TRIM67: variants seen among roughly 807,000 people sequenced by gnomAD.
TRIM67 encodes tripartite motif containing 67.
Under a neutral mutation model 71.0 loss-of-function variants are expected in TRIM67, and 39 were observed. The observed-to-expected ratio is 0.55, with a 90% CI of 0.43 to 0.72. TRIM67 has a LOEUF of 0.72. TRIM67 is among the 30% of genes least tolerant of loss of function. The probability of loss-of-function intolerance (pLI) is 0.00; values close to 1 mark genes in which losing one functional copy is unlikely to be tolerated. For synonymous variants in TRIM67, 481 were observed against 473.9 expected (o/e 1.01, Z -0.19); for missense variants, 973 against 1,079.2 (o/e 0.90, Z 1.38).
chr1:231,206,852 A>G, intron 7 of TRIM67, 62 bp downstream of exon 7: 1 of 1,489,854 alleles, frequency 6.7e-7, no homozygotes, highest in Non-Finnish European at 9.0e-7. Flanking sequence ...TGACAACCAG[A>G]CAGCCACTTG....
In TRIM67 at chr1:231,219,273, G is replaced by A. The variant is rs1489962954; in HGVS notation, c.*3833G>A. 3.1e-6 allele frequency: 3 copies of A among 979,396 alleles called. No homozygotes were observed. The highest frequency in any genetic ancestry group is 4.7e-5 in the South Asian group (1 of 21,204). The allele number at this position is 979,396 out of a possible 1,614,324, so 60.7% of individuals were successfully genotyped here. ...GGTCTCTACCCATCATCTGCCAGTA[G>A]CAACCCCCAAGTTAGGTGTGACAAC... is the stretch of plus-strand genomic sequence containing the variant. On this transcript the variant is annotated 3_prime_UTR_variant, in exon 10 of 10. Transcript: ENST00000366653.
chr1:231,201,628 G>A, intron 5 of TRIM67, 111 bp downstream of exon 5: 1 of 1,347,058 alleles, frequency 7.4e-7, no homozygotes, highest in Non-Finnish European at 1.0e-6. Context: ...AGTGTGGCAG[G>A]GTGGGAGAGC....
chr1:231,162,925 G>A lies in TRIM67; in HGVS notation c.-45G>A, dbSNP rs773490821. Reference sequence around the variant, plus strand: ...TCCTCCGCCAGTCTCCCGAGCTCCGGCCATTCATCCCCAGCGCAGAGCAGC... The same window carrying A: ...TCCTCCGCCAGTCTCCCGAGCTCCGACCATTCATCCCCAGCGCAGAGCAGC... On this transcript the variant is annotated 5_prime_UTR_variant, in exon 1 of 10. Coordinates refer to ENST00000366653, the MANE Select transcript of TRIM67 (RefSeq NM_001004342.5). 5 of 1,591,066 alleles carry A rather than the reference G, an allele frequency of 3.1e-6. No individual in the cohort carries two copies. The highest frequency in any genetic ancestry group is 4.3e-6 in the Non-Finnish European group (5 of 1,171,984).
chr1:231,211,027 A>ATATATAT (rs1553328710), intron 8 of TRIM67, among the ~76,000 whole-genome samples: 2 of 130,472 alleles, frequency 1.5e-5, no homozygotes, highest in African/African-American at 5.6e-5. Flanking sequence ...TACCAAAAAA[A>ATATATAT]AAAAATATAT....
At position 231,217,628 on chromosome 1, in the gene TRIM67, G is replaced by C. The variant is rs1291734924; in HGVS notation, c.*2188G>C. 1.8e-6 allele frequency: 2 copies of C among 1,127,772 alleles called. No individual in the cohort carries two copies. Among genetic ancestry groups the C allele is most frequent in the African/African-American group, 3.2e-5 (2 of 61,644 alleles). 69.9% of individuals were successfully genotyped at this position (1,127,772 alleles called of 1,614,324 possible). A position where few individuals can be genotyped will look rare whatever the true frequency, so the allele number is the denominator to read the frequency against. On this transcript the variant is annotated 3_prime_UTR_variant, in exon 10 of 10. Transcript: ENST00000366653. Reference sequence around the variant, plus strand: ...CCTACACCCTGCCCCCAGAATGAGAGTGGGCTAGGCAGGGCTGCCTGGTGA... The same window carrying C: ...CCTACACCCTGCCCCCAGAATGAGACTGGGCTAGGCAGGGCTGCCTGGTGA...
chr1:231,206,381 T>C (rs1683697500), intron 6 of TRIM67, among the ~76,000 whole-genome samples: 1 of 151,810 alleles, frequency 6.6e-6, no homozygotes, highest in Non-Finnish European at 1.5e-5. Context: ...GCGGAGGTTT[T>C]GGTAAGCCGA....
Position 231,217,418 on chromosome 1 carries a change from G to T in TRIM67, c.*1978G>T, listed in dbSNP as rs1054038870. On this transcript the variant is annotated 3_prime_UTR_variant, in exon 10 of 10. Coordinates refer to ENST00000366653, the MANE Select transcript of TRIM67 (RefSeq NM_001004342.5). ...GACCTGGGACCCTGTGTCCTTGCCC[G>T]CACCTCTGCCTCTGTCTCCCATATC... The T allele has an allele frequency of 5.5e-5, 54 of 987,744 alleles. No individual in the cohort carries two copies. The highest frequency in any genetic ancestry group is 6.4e-5 in the Non-Finnish European group (53 of 831,640). The allele number at this position is 987,744 out of a possible 1,614,324, so 61.2% of individuals were successfully genotyped here. A position where few individuals can be genotyped will look rare whatever the true frequency, so the allele number is the denominator to read the frequency against.
At position 231,220,078 on chromosome 1, in the gene TRIM67, T is replaced by G. The variant is rs753621600; in HGVS notation, c.*4638T>G. On this transcript the variant is annotated 3_prime_UTR_variant, in exon 10 of 10. Coordinates refer to ENST00000366653, the MANE Select transcript of TRIM67 (RefSeq NM_001004342.5). ...ACCTCCTCTGATGTATTGTGAGGAT[T>G]ATACAATAACATTTTTAAAGAAAAA... 9.9e-6 allele frequency: 7 copies of G among 705,362 alleles called. No homozygotes were observed. Among genetic ancestry groups the G allele is most frequent in the Non-Finnish European group, 1.5e-5 (7 of 471,862 alleles). The allele number at this position is 705,362 out of a possible 1,614,324, so 43.7% of individuals were successfully genotyped here. A position where few individuals can be genotyped will look rare whatever the true frequency, so the allele number is the denominator to read the frequency against.
Position 231,218,922 on chromosome 1 carries a change from T to A in TRIM67, c.*3482T>A, listed in dbSNP as rs372176771. On this transcript the variant is annotated 3_prime_UTR_variant, in exon 10 of 10. Coordinates refer to ENST00000366653, the MANE Select transcript of TRIM67 (RefSeq NM_001004342.5). ...CCACCACAGCACTCTCAGGAAAGGA[T>A]CAGAATGCAGGATCTTTGTGTATTT... The A allele has an allele frequency of 4.5e-5, 44 of 985,500 alleles. No homozygotes were observed. In the East Asian group the frequency reaches 2.0e-3, roughly 46 times the overall value. 61.0% of individuals were successfully genotyped at this position (985,500 alleles called of 1,614,324 possible). A position where few individuals can be genotyped will look rare whatever the true frequency, so the allele number is the denominator to read the frequency against.
In TRIM67 at chr1:231,166,315, G is replaced by A. The variant is rs191226060; in HGVS notation, c.1044+2302G>A. ...GGTGCTGTTGATTTCTACAGAAAGG[G>A]AAACTACTGAGTGCTTATTATGAGC... is the stretch of plus-strand genomic sequence containing the variant. On this transcript the variant is annotated intron_variant, in intron 1 of 9. Transcript: ENST00000366653. Among the ~76,000 whole-genome samples the A allele has an allele frequency of 1.9e-3, 289 of 152,290 alleles. 1 individual carries two copies. Among genetic ancestry groups the A allele is most frequent in the Admixed American group, 5.5e-3 (84 of 15,296 alleles).
rs76044472 is a variant in TRIM67 at position 231,184,644 on chromosome 1, C to G, written c.1045-12727C>G. The G allele has an allele frequency of 4.1e-3, 914 of 224,922 alleles. 27 individuals carry two copies. In the East Asian group the frequency reaches 0.071, roughly 17 times the overall value. 13.9% of individuals were successfully genotyped at this position (224,922 alleles called of 1,614,324 possible). ...GCTCAGTGGAGAAAAGGCAACTTCT[C>G]AAAGCAAAATTGGGATACTGTTATA... is the stretch of plus-strand genomic sequence containing the variant. On this transcript the variant is annotated intron_variant, in intron 1 of 9. Coordinates refer to ENST00000366653, the MANE Select transcript of TRIM67 (RefSeq NM_001004342.5).
At chr1:231,187,057 C>T (rs1021171700) in intron 1 of TRIM67, among the ~76,000 whole-genome samples, 14 of 152,204 alleles carry the variant, frequency 9.2e-5, no homozygotes, top group African/African-American at 3.4e-4. Flanking sequence ...CAATCTAAGT[C>T]TAAAAACAGA....
intron 1 of TRIM67, among the ~76,000 whole-genome samples, chr1:231,195,360 C>T (rs1048487026): frequency 2.6e-5 from 4 of 152,340 alleles, no homozygotes; most frequent in South Asian, 2.1e-4. Flanking sequence ...AGGCAGCTAG[C>T]GGCTACCGTC....
intron 1 of TRIM67, chr1:231,187,383 T>G (rs1442289422): frequency 1.2e-6 from 1 of 813,516 alleles, no homozygotes; most frequent in African/African-American, 1.8e-5. Flanking sequence ...CCCAGGAGCC[T>G]CTACCTTTTA....
chr1:231,203,904 C>T lies in TRIM67; in HGVS notation c.1572C>T (p.Cys524=). Residue 524 remains cysteine, a synonymous_variant, in exon 6 of 10, where the codon TGC becomes TGT. Coordinates refer to ENST00000366653, the MANE Select transcript of TRIM67 (RefSeq NM_001004342.5). ...PVPLLQLEKC[C]TRNNSVTLAW... ...CCCTACTGCAGCTGGAGAAATGCTG[C>T]ACCCGTAACAACAGCGTCACGCTGG... 2.5e-6 allele frequency: 4 copies of T among 1,613,914 alleles called. No individual in the cohort carries two copies. Among genetic ancestry groups the T allele is most frequent in the Non-Finnish European group, 3.4e-6 (4 of 1,179,880 alleles).
rs115803098 is a variant in TRIM67, at chr1:231,162,830, C to G, written c.-140C>G. On this transcript the variant is annotated 5_prime_UTR_variant, in exon 1 of 10. Coordinates refer to ENST00000366653, the MANE Select transcript of TRIM67 (RefSeq NM_001004342.5). ...AGGACAGAGAGAGGGGCGTGCCCCTCGGCTGTGAAGTGGGCATGCCCGTGT... is the reference window on the plus strand; with the variant it reads ...AGGACAGAGAGAGGGGCGTGCCCCTGGGCTGTGAAGTGGGCATGCCCGTGT... 2.8e-3 allele frequency: 3,132 copies of G among 1,108,200 alleles called. 50 individuals carry two copies. The African/African-American group carries it at 0.045, about 16-fold the overall frequency. 68.6% of individuals were successfully genotyped at this position (1,108,200 alleles called of 1,614,324 possible).
intron 1 of TRIM67, among the ~76,000 whole-genome samples, chr1:231,195,631 C>A (rs375376180): frequency 4.6e-5 from 7 of 152,226 alleles, no homozygotes; most frequent in Non-Finnish European, 1.5e-5. Context: ...CCTCTCCTTG[C>A]GTGCTGGTGC....
chr1:231,184,872 C>T (rs1334544041), intron 1 of TRIM67: 3 of 713,504 alleles, frequency 4.2e-6, no homozygotes, highest in Admixed American at 5.4e-5. Context: ...CGTGAGGACA[C>T]GAAGTCTCAC....
At chr1:231,208,098 C>T (rs956544480) in intron 7 of TRIM67, among the ~76,000 whole-genome samples, 3 of 151,666 alleles carry the variant, frequency 2.0e-5, no homozygotes, top group Non-Finnish European at 4.4e-5. Context: ...CAACCTCTGC[C>T]AACCTGTTCA....
Sources: gnomAD v4.1 joint callset for allele counts (sites outside exome capture counted in the v4.1 genomes callset) on GRCh38, gnomAD v4.1.1 for gene constraint, MANE v1.5 for transcripts, NCBI Gene and HGNC (gene_info 2026-07-23, HGNC 2026-07-21) for gene names.